The following SLC12A2 variants were observed in gnomAD, a reference collection of about 807,000 sequenced individuals.
SLC12A2 encodes solute carrier family 12 member 2, also known as Na-K-2Cl cotransporter 1.
Under a neutral mutation model 136.3 loss-of-function variants are expected in SLC12A2, and 67 were observed. The ratio of observed to expected loss-of-function variants is 0.49; its 90% CI spans 0.40 to 0.60. The LOEUF is 0.60. Among genes scored for constraint, SLC12A2 ranks in the 20% least tolerant of loss-of-function variants. SLC12A2 has a pLI of 0.00. For synonymous variants in SLC12A2, 619 were observed against 562.9 expected, an observed-to-expected ratio of 1.10 and a Z score of -1.41; for missense variants, 1,322 against 1,534.7, an observed-to-expected ratio of 0.86 and a Z score of 2.32.
intron 23 of SLC12A2, among the ~76,000 whole-genome samples, chr5:128,181,855 C>CCT (rs1283196535): frequency 6.6e-6 from 1 of 152,074 alleles, no homozygotes; most frequent in African/African-American, 2.4e-5. Context: ...TCTTCACTTG[C>CCT]CTCTCCTTTT....
intron 1 of SLC12A2, among the ~76,000 whole-genome samples, chr5:128,092,972 C>T (rs1365764228): frequency 6.6e-6 from 1 of 152,168 alleles, no homozygotes; most frequent in Non-Finnish European, 1.5e-5. Flanking sequence ...CTCTTTCCTT[C>T]CTTCCTCAGC....
At chr5:128,130,959 C>A in intron 4 of SLC12A2, 108 bp from the exon 5 acceptor site, 1 of 993,474 alleles carries the variant, frequency 1.0e-6, no homozygotes, top group Non-Finnish European at 1.5e-6. Context: ...AACTGCTCTG[C>A]TTATTGGGGG....
intron 1 of SLC12A2, among the ~76,000 whole-genome samples, chr5:128,089,913 G>A (rs1760248516): frequency 6.6e-6 from 1 of 152,150 alleles, no homozygotes; most frequent in African/African-American, 2.4e-5. Flanking sequence ...TCACCCTGGG[G>A]GAACAAGAAT....
At chr5:128,126,336 T>C (rs2045831193) in intron 4 of SLC12A2, among the ~76,000 whole-genome samples, 1 of 152,172 alleles carries the variant, frequency 6.6e-6, no homozygotes, top group Non-Finnish European at 1.5e-5. Context: ...TCAACATCAC[T>C]GGTCATCAGA....
At chr5:128,114,790 T>A in intron 4 of SLC12A2, 109 bp downstream of exon 4, 3 of 679,070 alleles carry the variant, frequency 4.4e-6, no homozygotes, top group Non-Finnish European at 7.4e-6. Flanking sequence ...ATATTAAGTC[T>A]ATATAGACAA....
At chr5:128,116,834 T>C (rs1423089207) in intron 4 of SLC12A2, among the ~76,000 whole-genome samples, 1 of 152,146 alleles carries the variant, frequency 6.6e-6, no homozygotes, top group African/African-American at 2.4e-5. Flanking sequence ...GAGATTCTTT[T>C]AGTGAATGTA....
At chr5:128,142,627 G>T (rs189205252) in intron 10 of SLC12A2, among the ~76,000 whole-genome samples, 17 of 151,974 alleles carry the variant, frequency 1.1e-4, no homozygotes, top group Admixed American at 1.0e-3. Context: ...GGTCATATTT[G>T]TATGGGTCTG....
In SLC12A2 at chr5:128,158,946, G is replaced by A. The variant is rs1355323990; in HGVS notation, c.2475+782G>A. Among the ~76,000 whole-genome samples the A allele has an allele frequency of 4.9e-5, 7 of 143,848 alleles. No individual in the cohort carries two copies. In the Admixed American group the frequency reaches 4.9e-4, roughly 10 times the overall value. 94.4% of individuals were successfully genotyped at this position (143,848 alleles called of 152,430 possible). A position where few individuals can be genotyped will look rare whatever the true frequency, so the allele number is the denominator to read the frequency against. ...TTTTTTATACTAAAACTTTTATGCTGTATATAATTTGTAATTTATAGGGCT... is the reference window on the plus strand; with the variant it reads ...TTTTTTATACTAAAACTTTTATGCTATATATAATTTGTAATTTATAGGGCT... On this transcript the variant is annotated intron_variant, in intron 16 of 26. Coordinates refer to ENST00000262461, the MANE Select transcript of SLC12A2 (RefSeq NM_001046.3).
chr5:128,086,200 GTA>G (rs1283325957), intron 1 of SLC12A2, among the ~76,000 whole-genome samples: 1 of 152,184 alleles, frequency 6.6e-6, no homozygotes, highest in African/African-American at 2.4e-5. Flanking sequence ...CAATTGAAAG[GTA>G]TATATGTTGA....
chr5:128,089,149 CA>C (rs1760212185), intron 1 of SLC12A2, among the ~76,000 whole-genome samples: 1 of 123,574 alleles, frequency 8.1e-6, no homozygotes. Flanking sequence ...GCCTGGGCAA[CA>C]AGAGCAAAAC....
intron 15 of SLC12A2, among the ~76,000 whole-genome samples, chr5:128,155,839 A>G (rs534978977): frequency 7.0e-4 from 107 of 152,184 alleles, no homozygotes; most frequent in Non-Finnish European, 1.3e-3. Context: ...ATCTGATTAG[A>G]TTTTCCAGAA....
At chr5:128,148,066 A>G (rs578261825) in intron 11 of SLC12A2, among the ~76,000 whole-genome samples, 1 of 151,744 alleles carries the variant, frequency 6.6e-6, no homozygotes, top group African/African-American at 2.4e-5. Flanking sequence ...AAGTAGTAAA[A>G]TATCTTTGTT....
intron 18 of SLC12A2, chr5:128,170,248 A>C (rs1763330581): frequency 6.6e-6 from 1 of 152,206 alleles, no homozygotes; most frequent in Non-Finnish European, 1.5e-5. Flanking sequence ...TAGTCGATTT[A>C]TTAAACAATT....
At position 128,189,032 on chromosome 5, in the gene SLC12A2, A is replaced by G. The variant is rs778617445; in HGVS notation, c.*2401A>G. On this transcript the variant is annotated 3_prime_UTR_variant, in exon 27 of 27. Coordinates refer to ENST00000262461, the MANE Select transcript of SLC12A2 (RefSeq NM_001046.3). ...CATGTGGGTATAAAGTACATAAAAT[A>G]TATCTAACTATTCATAATGTGGGGT... is the stretch of plus-strand genomic sequence containing the variant. 1 of 152,230 alleles carries G rather than the reference A, an allele frequency of 6.6e-6. No individual in the cohort carries two copies. Among genetic ancestry groups the G allele is most frequent in the Non-Finnish European group, 1.5e-5 (1 of 67,994 alleles). 9.4% of individuals were successfully genotyped at this position (152,230 alleles called of 1,614,324 possible).
At chr5:128,104,171 A>G (rs932062188) in intron 1 of SLC12A2, among the ~76,000 whole-genome samples, 2 of 152,182 alleles carry the variant, frequency 1.3e-5, no homozygotes, top group African/African-American at 2.4e-5. Context: ...TTAAAAGGAG[A>G]TGCTATCTTG....
chr5:128,110,187 A>G, intron 1 of SLC12A2: 1 of 814,324 alleles, frequency 1.2e-6, no homozygotes, highest in Non-Finnish European at 2.2e-6. Flanking sequence ...GTTCTTTGTT[A>G]ATTTGGCAGA....
At chr5:128,087,312 T>C (rs1760138328) in intron 1 of SLC12A2, among the ~76,000 whole-genome samples, 1 of 152,174 alleles carries the variant, frequency 6.6e-6, no homozygotes, top group African/African-American at 2.4e-5. Flanking sequence ...GATTATGTGG[T>C]GATTAGCAAA....
chr5:128,086,946 C>T (rs1425143984), intron 1 of SLC12A2, among the ~76,000 whole-genome samples: 2 of 152,160 alleles, frequency 1.3e-5, no homozygotes, highest in African/African-American at 2.4e-5. Flanking sequence ...CTAATTCTAG[C>T]AGTCGATTGA....
chr5:128,177,012 A>G (rs918713013), intron 20 of SLC12A2, 93 bp from the exon 21 acceptor site: 7 of 709,110 alleles, frequency 9.9e-6, no homozygotes, highest in Non-Finnish European at 1.5e-5. Flanking sequence ...TTCATATTAT[A>G]TTTTGTTTAT....
Sources: gnomAD v4.1 joint callset for allele counts (sites outside exome capture counted in the v4.1 genomes callset) on GRCh38, gnomAD v4.1.1 for gene constraint, MANE v1.5 for transcripts, NCBI Gene and HGNC (gene_info 2026-07-23, HGNC 2026-07-21) for gene names.